The following ADAMTS18 variants were observed in gnomAD, a reference collection of about 807,000 sequenced individuals.
The protein encoded by ADAMTS18 is ADAM metallopeptidase with thrombospondin type 1 motif 18.
In ADAMTS18, 157 loss-of-function variants were observed where a neutral mutation model predicts 165.9. The observed-to-expected ratio is 0.95, with a 90% CI of 0.83 to 1.08. The LOEUF (loss-of-function observed/expected upper bound fraction) is 1.08, where lower values mean the gene tolerates loss of function less well. Ranked by LOEUF, ADAMTS18 falls within the 50% of genes least tolerant of loss-of-function variation. The pLI, the probability that ADAMTS18 is intolerant of heterozygous loss-of-function variation, is 0.00. For missense variants in ADAMTS18, 2,040 were observed against 1,534.0 expected, an observed-to-expected ratio of 1.33 and a Z score of -5.51; for synonymous variants, 782 against 578.2, an observed-to-expected ratio of 1.35 and a Z score of -5.06.
At chr16:77,414,838 C>A (rs1177961846) in intron 3 of ADAMTS18, among the ~76,000 whole-genome samples, 1 of 152,150 alleles carries the variant, frequency 6.6e-6, no homozygotes, top group Non-Finnish European at 1.5e-5. Flanking sequence ...ATGTCATCAT[C>A]CAAACAAATA....
intron 3 of ADAMTS18, 33 bp downstream of exon 3, chr16:77,431,262 G>T: frequency 6.2e-7 from 1 of 1,612,966 alleles, no homozygotes; most frequent in Non-Finnish European, 8.5e-7. Flanking sequence ...AAACACGAAA[G>T]AGGGAGCTCA....
chr16:77,409,811 T>C (rs949971419), intron 3 of ADAMTS18, among the ~76,000 whole-genome samples: 5 of 152,156 alleles, frequency 3.3e-5, no homozygotes, highest in Non-Finnish European at 4.4e-5. Flanking sequence ...TCTTGTGCTT[T>C]TGGAGTAAAG....
chr16:77,390,370 G>T (rs1310969829), intron 3 of ADAMTS18, among the ~76,000 whole-genome samples: 1 of 132,560 alleles, frequency 7.5e-6, no homozygotes, highest in East Asian at 2.3e-4. Flanking sequence ...AAGAGCCATT[G>T]GTCTCACTTT....
At chr16:77,334,805 TAGTATAC>T (rs1205898843) in intron 12 of ADAMTS18, among the ~76,000 whole-genome samples, 2 of 121,166 alleles carry the variant, frequency 1.7e-5, no homozygotes, top group African/African-American at 6.3e-5. Context: ...CTATATACTA[TAGTATAC>T]AGTATATATA....
intron 4 of ADAMTS18, among the ~76,000 whole-genome samples, chr16:77,364,945 A>C (rs2056771968): frequency 1.3e-5 from 2 of 152,190 alleles, no homozygotes; most frequent in African/African-American, 4.8e-5. Context: ...ATCTCTACTA[A>C]AATTACAAAA....
intron 3 of ADAMTS18, among the ~76,000 whole-genome samples, chr16:77,394,944 A>G (rs1202999277): frequency 2.6e-5 from 4 of 152,132 alleles, no homozygotes; most frequent in African/African-American, 9.7e-5. Context: ...TTACAAGTCC[A>G]TGTTCCTTCC....
intron 3 of ADAMTS18, among the ~76,000 whole-genome samples, chr16:77,413,708 T>C (rs1249960400): frequency 6.6e-6 from 1 of 151,796 alleles, no homozygotes; most frequent in Non-Finnish European, 1.5e-5. Flanking sequence ...TTATTTAGTA[T>C]ACTTAAATAT....
At chr16:77,290,118 G>A (rs896952772) in intron 21 of ADAMTS18, among the ~76,000 whole-genome samples, 1 of 152,102 alleles carries the variant, frequency 6.6e-6, no homozygotes, top group African/African-American at 2.4e-5. Context: ...ATAATTGACT[G>A]TAGTTTCTGT....
chr16:77,290,398 G>C (rs1297030409), intron 21 of ADAMTS18: 1 of 152,132 alleles, frequency 6.6e-6, no homozygotes, highest in Non-Finnish European at 1.5e-5. Flanking sequence ...ACTGTTTGCT[G>C]ACCCCTTAAT....
intron 10 of ADAMTS18, among the ~76,000 whole-genome samples, chr16:77,349,043 C>A (rs1347899024): frequency 2.0e-5 from 3 of 152,160 alleles, no homozygotes; most frequent in African/African-American, 7.2e-5. Context: ...GTTAAAATGG[C>A]ATGCAGTAAA....
At chr16:77,346,766 A>G (rs1299554396) in intron 10 of ADAMTS18, among the ~76,000 whole-genome samples, 2 of 152,236 alleles carry the variant, frequency 1.3e-5, no homozygotes, top group Non-Finnish European at 2.9e-5. Context: ...AACAATTAAC[A>G]AGTAGGAGTC....
chr16:77,368,973 C>G (rs1391324853), intron 3 of ADAMTS18, among the ~76,000 whole-genome samples: 1 of 152,208 alleles, frequency 6.6e-6, no homozygotes, highest in Non-Finnish European at 1.5e-5. Context: ...CCTTGTCTTT[C>G]TTTCAGCAAA....
chr16:77,304,203 T>C (rs1258542570), intron 16 of ADAMTS18, among the ~76,000 whole-genome samples: 1 of 152,198 alleles, frequency 6.6e-6, no homozygotes, highest in Non-Finnish European at 1.5e-5. Flanking sequence ...TTTGAGTTTC[T>C]GGCCAGGCAC....
chr16:77,286,187 A>T (rs1333824895), intron 22 of ADAMTS18, among the ~76,000 whole-genome samples: 1 of 152,092 alleles, frequency 6.6e-6, no homozygotes, highest in East Asian at 1.9e-4. Context: ...CTCTGCCAGG[A>T]ACACTCTCCT....
rs2056759067 is a variant in ADAMTS18 at position 77,364,264 on chromosome 16, A to G, written c.896T>C (p.Val299Ala). ...SQKGLNVETL[V>A]VADKKMVEKH... ...TTCCACCATTTTCTTGTCTGCCACC[A>G]CGAGGGTTTCCACATTGAGGCCCTT... Residue 299 changes from valine (V) to alanine (A), a missense_variant, in exon 5 of 23, where the codon GTG becomes GCG. By Grantham distance (64) the Val-to-Ala change is moderately conservative. Transcript: ENST00000282849. The G allele has an allele frequency of 6.2e-7, 1 of 1,613,964 alleles. No homozygotes were observed. Among genetic ancestry groups the G allele is most frequent in the Admixed American group, 1.7e-5 (1 of 59,984 alleles).
chr16:77,425,347 C>T (rs1380597915), intron 3 of ADAMTS18, among the ~76,000 whole-genome samples: 1 of 152,100 alleles, frequency 6.6e-6, no homozygotes, highest in Non-Finnish European at 1.5e-5. Flanking sequence ...CTCATGGCAG[C>T]CTTGATCACG....
At chr16:77,373,503 G>A (rs1488088110) in intron 3 of ADAMTS18, among the ~76,000 whole-genome samples, 1 of 151,262 alleles carries the variant, frequency 6.6e-6, no homozygotes, top group Non-Finnish European at 1.5e-5. Flanking sequence ...AGAAAAAAAA[G>A]TTATCCTCTC....
chr16:77,304,560 C>T (rs930791443), intron 16 of ADAMTS18, among the ~76,000 whole-genome samples: 2 of 152,228 alleles, frequency 1.3e-5, no homozygotes, highest in South Asian at 4.1e-4. Context: ...CATCCCTTTT[C>T]CTAAACTTGA....
At position 77,413,670 on chromosome 16, in the gene ADAMTS18, CATATGTTATTTAGTATACTTAA is replaced by C. The variant is rs985080576; in HGVS notation, c.495+17603_495+17624del. ...AAAACTATAATTGCTTTGCTTTCTA[CATATGTTATTTAGTATACTTAA>C]ATATGTTATTTAGTATACTTAAATA... On this transcript the variant is annotated intron_variant, in intron 3 of 22. Transcript: ENST00000282849. Among the ~76,000 whole-genome samples the C allele has an allele frequency of 2.7e-3, 414 of 152,080 alleles. 3 individuals are homozygous for C. The highest frequency in any genetic ancestry group is 0.024 in the Middle Eastern group (7 of 294).
Sources: allele counts gnomAD v4.1 joint callset (sites outside exome capture counted in the v4.1 genomes callset), GRCh38; gene constraint gnomAD v4.1.1; transcripts MANE v1.5; gene names NCBI Gene and HGNC (gene_info 2026-07-23, HGNC 2026-07-21).